Variants in DYNC2LI1 observed in about 807,000 individuals in gnomAD.
DYNC2LI1 encodes the protein cytoplasmic dynein 2 light intermediate chain 1.
DYNC2LI1 carries 45 observed loss-of-function variants against 51.9 expected under a neutral mutation model. The observed-to-expected ratio is 0.87, with a 90% confidence interval of 0.68 to 1.11. The LOEUF is 1.11. DYNC2LI1 is among the 50% of genes most tolerant of loss of function. DYNC2LI1 has a pLI of 0.00. For synonymous variants in DYNC2LI1, 130 were observed against 137.8 expected (o/e 0.94, Z 0.40); for missense variants, 490 against 417.4 (o/e 1.17, Z -1.51).
At chr2:43,827,974 G>T in the DYNC2LI1 span, 2 of 1,613,888 alleles carry the variant, frequency 1.2e-6, no homozygotes, top group South Asian at 1.1e-5. Flanking sequence ...AGTTCTGGGT[G>T]CCACTTACTA....
At chr2:43,809,480 T>A (rs1474109200) in intron 12 of DYNC2LI1, among the ~76,000 whole-genome samples, 1 of 152,198 alleles carries the variant, frequency 6.6e-6, no homozygotes, top group African/African-American at 2.4e-5. Context: ...GTTTAATAAA[T>A]TCATCTCTGA....
chr2:43,813,222 G>A (rs528636525), downstream of DYNC2LI1: 2 of 1,612,528 alleles, frequency 1.2e-6, no homozygotes, highest in East Asian at 2.2e-5. Flanking sequence ...GAATCTAGAT[G>A]TTGCACCTGG....
chr2:43,785,242 T>G (rs1673472463), intron 3 of DYNC2LI1, among the ~76,000 whole-genome samples: 1 of 152,072 alleles, frequency 6.6e-6, no homozygotes, highest in Non-Finnish European at 1.5e-5. Context: ...GAGGCTGCAG[T>G]GAGCTGTGAT....
chr2:43,794,898 T>C, intron 6 of DYNC2LI1: 36 of 1,379,000 alleles, frequency 2.6e-5, no homozygotes, highest in Non-Finnish European at 3.3e-5. Context: ...AGAAATAGAG[T>C]TTTAAAGTAG....
Position 43,787,194 on chromosome 2 carries a change from A to C in DYNC2LI1, c.175A>C (p.Lys59Gln). The C allele has an allele frequency of 6.2e-7, 1 of 1,613,330 alleles. No homozygotes were observed. The highest frequency in any genetic ancestry group is 8.5e-7 in the Non-Finnish European group (1 of 1,179,520). Reference protein sequence around the residue: ...LRCLDRDEPPKPTLALEYTYG... With the variant: ...LRCLDRDEPPQPTLALEYTYG... ...TTTATTATACAGAGATGAACCACCAAAACCAACCTTAGCTTTGGAATATAC... is the reference window on the plus strand; with the variant it reads ...TTTATTATACAGAGATGAACCACCACAACCAACCTTAGCTTTGGAATATAC... Residue 59 changes from lysine to glutamine, a missense_variant, in exon 4 of 13, where the codon AAA becomes CAA. By Grantham distance (53) the Lys-to-Gln change is moderately conservative (BLOSUM62 1). Transcript: ENST00000260605.
intron 6 of DYNC2LI1, chr2:43,795,140 A>C (rs556800371): frequency 1.0e-6 from 1 of 992,568 alleles, no homozygotes; most frequent in Non-Finnish European, 1.2e-6. Context: ...TGGTAACACA[A>C]GTTCTTCAAA....
intron 12 of DYNC2LI1, among the ~76,000 whole-genome samples, chr2:43,805,890 CT>C (rs1030068592): frequency 7.4e-5 from 11 of 149,032 alleles, no homozygotes; most frequent in Admixed American, 2.7e-4. Flanking sequence ...TTTTCTTTTT[CT>C]TTTTTTTTTA....
intron 3 of DYNC2LI1, among the ~76,000 whole-genome samples, chr2:43,784,616 T>C (rs1673436448): frequency 6.6e-6 from 1 of 152,152 alleles, no homozygotes; most frequent in Non-Finnish European, 1.5e-5. Context: ...GTATTTTTAG[T>C]AGAGACAGGG....
Position 43,809,688 on chromosome 2 carries a change from A to G in DYNC2LI1, c.994-17A>G, listed in dbSNP as rs1399114241. ...TAAAGTTGATTTTTCTTAAAGTGAT[A>G]CATATTTTTGTTTTAGGAACTGGAA... On this transcript the variant is annotated splice_polypyrimidine_tract_variant and intron_variant, in intron 12 of 12. Coordinates refer to ENST00000260605, the MANE Select transcript of DYNC2LI1 (RefSeq NM_016008.4). The G allele has an allele frequency of 6.3e-7, 1 of 1,585,388 alleles. No individual in the cohort carries two copies. Among genetic ancestry groups the G allele is most frequent in the Admixed American group, 1.8e-5 (1 of 57,104 alleles).
At chr2:43,797,754 A>G (rs1665931631) in intron 8 of DYNC2LI1, among the ~76,000 whole-genome samples, 1 of 151,888 alleles carries the variant, frequency 6.6e-6, no homozygotes, top group Non-Finnish European at 1.5e-5. Flanking sequence ...TCCTGACCTC[A>G]TGATCGACCC....
At chr2:43,788,404 C>G (rs1044503938) in intron 4 of DYNC2LI1, among the ~76,000 whole-genome samples, 3 of 152,054 alleles carry the variant, frequency 2.0e-5, no homozygotes, top group African/African-American at 7.2e-5. Flanking sequence ...AATTTTTTTT[C>G]TAAACTGTGT....
chr2:43,782,304 A>G (rs1161398048), intron 2 of DYNC2LI1, among the ~76,000 whole-genome samples: 1 of 152,130 alleles, frequency 6.6e-6, no homozygotes, highest in Non-Finnish European at 1.5e-5. Flanking sequence ...ATTTTTTAAT[A>G]TATCTCATTA....
chr2:43,813,712 T>G (rs1454012961), downstream of DYNC2LI1, among the ~76,000 whole-genome samples: 8 of 112,724 alleles, frequency 7.1e-5, no homozygotes, highest in East Asian at 2.4e-4. Flanking sequence ...TTTTTTCGTT[T>G]TTTTTTTTTT....
intron 8 of DYNC2LI1, among the ~76,000 whole-genome samples, chr2:43,797,620 A>T (rs1318479331): frequency 6.7e-6 from 1 of 150,108 alleles, no homozygotes; most frequent in Non-Finnish European, 1.5e-5. Flanking sequence ...CCTGGGTTCA[A>T]GTGATTCTCC....
chr2:43,789,969 A>G (rs920591116), intron 5 of DYNC2LI1, among the ~76,000 whole-genome samples: 1 of 152,266 alleles, frequency 6.6e-6, no homozygotes, highest in Non-Finnish European at 1.5e-5. Context: ...AGCTGAAAAC[A>G]AACAAACAAA....
downstream of DYNC2LI1, among the ~76,000 whole-genome samples, chr2:43,813,687 T>G (rs1378374241): frequency 6.7e-6 from 1 of 148,886 alleles, no homozygotes; most frequent in African/African-American, 2.5e-5. Flanking sequence ...TTTTTTTTGT[T>G]TTTTTTGGGG....
chr2:43,819,731 T>A, the DYNC2LI1 span, among the ~76,000 whole-genome samples: 1 of 152,230 alleles, frequency 6.6e-6, no homozygotes, highest in Admixed American at 6.5e-5. Flanking sequence ...AAAGACATTT[T>A]ATTGAACAAA....
At chr2:43,824,503 G>A in the DYNC2LI1 span, 145 of 1,598,276 alleles carry the variant, frequency 9.1e-5, 2 homozygotes, top group South Asian at 1.5e-3. Context: ...TATACAATTG[G>A]TACAGGAGTA....
intron 10 of DYNC2LI1, among the ~76,000 whole-genome samples, 191 bp downstream of exon 10, chr2:43,801,900 T>C (rs1177792694): frequency 1.3e-5 from 2 of 152,152 alleles, no homozygotes; most frequent in Non-Finnish European, 2.9e-5. Context: ...GTGATGGAAG[T>C]GATGTCACCA....
Sources: allele counts gnomAD v4.1 joint callset (sites outside exome capture counted in the v4.1 genomes callset), GRCh38; gene constraint gnomAD v4.1.1; transcripts MANE v1.5; gene names NCBI Gene and HGNC (gene_info 2026-07-23, HGNC 2026-07-21).